Variants in DPP6 observed in about 807,000 individuals in gnomAD.
The protein encoded by DPP6 is A-type potassium channel modulatory protein DPP6.
Under a neutral mutation model 122.6 loss-of-function variants are expected in DPP6, and 69 were observed. The ratio of observed to expected loss-of-function variants is 0.56; its 90% CI spans 0.46 to 0.69. DPP6 has a LOEUF of 0.69. Ranked by LOEUF, DPP6 falls within the 30% of genes least tolerant of loss-of-function variation. DPP6 has a pLI of 0.00. For missense variants in DPP6, 928 were observed against 1,116.9 expected (o/e 0.83, Z 2.41); for synonymous variants, 418 against 433.1 (o/e 0.97, Z 0.43).
intron 1 of DPP6, among the ~76,000 whole-genome samples, chr7:153,946,400 C>T (rs550457389): frequency 7.2e-5 from 11 of 152,080 alleles, no homozygotes; most frequent in East Asian, 5.8e-4. Context: ...TGGATGTTGG[C>T]GTGGCATTTG....
intron 6 of DPP6, among the ~76,000 whole-genome samples, chr7:154,646,045 A>AAAAAAAAAAAAAAAAAAC (rs1554421912): frequency 4.7e-5 from 7 of 147,564 alleles, no homozygotes; most frequent in African/African-American, 1.6e-4. Flanking sequence ...AAAAAAAAAA[A>AAAAAAAAAAAAAAAAAAC]GAAAATACTG....
chr7:153,946,111 G>A (rs1015197394), intron 1 of DPP6, among the ~76,000 whole-genome samples: 11 of 152,146 alleles, frequency 7.2e-5, no homozygotes, highest in African/African-American at 9.7e-5. Context: ...TTACTGGAAA[G>A]GGGTCCAGTC....
At chr7:154,609,299 A>G (rs186597995) in intron 5 of DPP6, among the ~76,000 whole-genome samples, 246 of 152,356 alleles carry the variant, frequency 1.6e-3, no homozygotes, top group Non-Finnish European at 2.9e-3. Flanking sequence ...CATGCAAGTG[A>G]GCCCTGCAAT....
rs1222621586 is a variant in DPP6, at chr7:154,574,368, ATGTG to A, written c.627+7458_627+7461del. 9.4e-3 allele frequency among the ~76,000 whole-genome samples: 837 copies of A among 88,764 alleles called. 6 individuals are homozygous for A. Among genetic ancestry groups the A allele is most frequent in the African/African-American group, 0.036 (788 of 22,128 alleles). 58.2% of individuals were successfully genotyped at this position (88,764 alleles called of 152,430 possible). ...GTATGTGTATATGTGTGTGTTGTGT[ATGTG>A]TGTGTATGTGGTGTGTGTATGTGTG... is the stretch of plus-strand genomic sequence containing the variant. On this transcript the variant is annotated intron_variant, in intron 5 of 25. Coordinates refer to ENST00000377770, the MANE Select transcript of DPP6 (RefSeq NM_130797.4).
At chr7:153,965,381 A>G (rs1795646247) in intron 1 of DPP6, among the ~76,000 whole-genome samples, 1 of 152,084 alleles carries the variant, frequency 6.6e-6, no homozygotes, top group Non-Finnish European at 1.5e-5. Flanking sequence ...CTCCTTAGGC[A>G]GCGCTCCTCA....
At chr7:153,959,411 T>A (rs754479418) in intron 1 of DPP6, among the ~76,000 whole-genome samples, 4 of 152,238 alleles carry the variant, frequency 2.6e-5, no homozygotes, top group Non-Finnish European at 5.9e-5. Context: ...AATTGCATTC[T>A]TAGGAGAAGG....
At chr7:153,975,733 G>A (rs1220874493) in intron 1 of DPP6, among the ~76,000 whole-genome samples, 1 of 151,990 alleles carries the variant, frequency 6.6e-6, no homozygotes, top group Non-Finnish European at 1.5e-5. Context: ...CATCTTAATT[G>A]CAAATCCTTC....
intron 1 of DPP6, among the ~76,000 whole-genome samples, chr7:154,191,046 A>G (rs898922712): frequency 2.0e-5 from 3 of 152,238 alleles, no homozygotes; most frequent in Non-Finnish European, 2.9e-5. Context: ...AGCAACTGCT[A>G]TTGATTGCAG....
chr7:154,190,666 G>A (rs547595806), intron 1 of DPP6, among the ~76,000 whole-genome samples: 13 of 151,920 alleles, frequency 8.6e-5, no homozygotes, highest in African/African-American at 3.1e-4. Context: ...TATTGATTAC[G>A]CAGATGGATG....
chr7:154,062,729 G>C (rs1399453889), intron 1 of DPP6, among the ~76,000 whole-genome samples: 1 of 68,656 alleles, frequency 1.5e-5, no homozygotes, highest in Admixed American at 1.4e-4. Flanking sequence ...CCATCGTAGG[G>C]GGGGGGAGGC....
chr7:153,937,090 T>C (rs921689260), intron 1 of DPP6, among the ~76,000 whole-genome samples: 1 of 152,074 alleles, frequency 6.6e-6, no homozygotes, highest in Non-Finnish European at 1.5e-5. Context: ...GAGGCTCAGA[T>C]CCCAGGAAAG....
intron 7 of DPP6, among the ~76,000 whole-genome samples, chr7:154,714,455 C>A (rs551939402): frequency 1.3e-5 from 2 of 152,188 alleles, no homozygotes; most frequent in African/African-American, 4.8e-5. Context: ...AATTGACTCA[C>A]GGTTCTGCAT....
intron 1 of DPP6, among the ~76,000 whole-genome samples, chr7:154,034,403 G>T (rs180941546): frequency 6.6e-6 from 1 of 152,112 alleles, no homozygotes; most frequent in Non-Finnish European, 1.5e-5. Flanking sequence ...GATGCTCATC[G>T]CTGTGGATCC....
intron 16 of DPP6, among the ~76,000 whole-genome samples, chr7:154,847,313 A>G (rs1802018983): frequency 6.6e-6 from 1 of 152,250 alleles, no homozygotes; most frequent in Non-Finnish European, 1.5e-5. Flanking sequence ...ATGAATACAT[A>G]GCCATGTGGT....
intron 1 of DPP6, among the ~76,000 whole-genome samples, chr7:154,309,394 C>G (rs1487375397): frequency 6.6e-6 from 1 of 152,112 alleles, no homozygotes; most frequent in East Asian, 1.9e-4. Flanking sequence ...GGTGTCTGAA[C>G]ATATATAATA....
Position 153,894,173 on chromosome 7 carries a change from G to T in DPP6, c.51+6439G>T, listed in dbSNP as rs139320357. ...ACCCTTGGTTTCCAAGGACCACAAG[G>T]ATTTTATTGGGTATGACAAGAATGA... is the stretch of plus-strand genomic sequence containing the variant. On this transcript the variant is annotated intron_variant, in intron 1 of 25. Transcript: ENST00000404039. Among the ~76,000 whole-genome samples the T allele has an allele frequency of 1.2e-3, 187 of 152,288 alleles. 1 individual carries two copies. Among genetic ancestry groups the T allele is most frequent in the Middle Eastern group, 6.8e-3 (2 of 294 alleles).
intron 1 of DPP6, among the ~76,000 whole-genome samples, chr7:153,894,950 G>A (rs1799345962): frequency 6.6e-6 from 1 of 152,036 alleles, no homozygotes; most frequent in Non-Finnish European, 1.5e-5. Context: ...ATGGAAAGAT[G>A]GGCAGAGAAC....
intron 1 of DPP6, among the ~76,000 whole-genome samples, chr7:154,276,006 C>A (rs191506571): frequency 2.6e-5 from 4 of 152,332 alleles, no homozygotes; most frequent in East Asian, 3.9e-4. Context: ...TAAGACCTTG[C>A]CAGTGCCTTG....
chr7:154,296,452 A>G (rs6943842), intron 1 of DPP6, among the ~76,000 whole-genome samples: 14,686 of 152,270 alleles, frequency 0.096, 1,034 homozygotes, highest in African/African-American at 0.2. Flanking sequence ...TATACAAAGC[A>G]GCTAGCACAT....
Sources: allele counts gnomAD v4.1 joint callset (sites outside exome capture counted in the v4.1 genomes callset), GRCh38; gene constraint gnomAD v4.1.1; transcripts MANE v1.5; gene names NCBI Gene and HGNC (gene_info 2026-07-23, HGNC 2026-07-21).